The following NYAP2 variants were observed in gnomAD, a reference collection of about 807,000 sequenced individuals.
The protein encoded by NYAP2 is neuronal tyrosine-phosphorylated phosphoinositide-3-kinase adaptor 2.
In NYAP2, 23 loss-of-function variants were observed where a neutral mutation model predicts 50.4. The observed-to-expected ratio is 0.46, with a 90% CI of 0.33 to 0.65. The LOEUF is 0.65. Ranked by LOEUF, NYAP2 falls within the 30% of genes least tolerant of loss-of-function variation. The pLI is 0.02. For missense variants in NYAP2, 885 were observed against 861.0 expected, an observed-to-expected ratio of 1.03 and a Z score of -0.35; for synonymous variants, 394 against 365.2, an observed-to-expected ratio of 1.08 and a Z score of -0.90.
At chr2:225,547,575 C>T (rs935807799) in intron 4 of NYAP2, among the ~76,000 whole-genome samples, 3 of 152,200 alleles carry the variant, frequency 2.0e-5, no homozygotes, top group African/African-American at 7.2e-5. Flanking sequence ...CCTGGTTTTG[C>T]TTTCCTCTGT....
intron 3 of NYAP2, among the ~76,000 whole-genome samples, chr2:225,485,331 A>G (rs1690272891): frequency 6.6e-6 from 1 of 152,210 alleles, no homozygotes; most frequent in African/African-American, 2.4e-5. Flanking sequence ...TCTTTCCCTT[A>G]TAAATTACCC....
chr2:225,679,493 G>GTTTTTTTTTTTTTTTTTTTTTTTTT, the NYAP2 span, among the ~76,000 whole-genome samples: 4 of 103,884 alleles, frequency 3.9e-5, no homozygotes, highest in Non-Finnish European at 7.3e-5. Context: ...GCTTCTAATT[G>GTTTTTTTTTTTTTTTTTTTTTTTTT]TTTTTTTTTT....
intron 6 of NYAP2, among the ~76,000 whole-genome samples, chr2:225,628,820 G>T (rs13428386): frequency 6.6e-6 from 1 of 151,806 alleles, no homozygotes; most frequent in South Asian, 2.1e-4. Context: ...AAAATCAGAA[G>T]CATTCTCTGG....
intron 5 of NYAP2, among the ~76,000 whole-genome samples, chr2:225,620,680 C>T (rs1472606205): frequency 6.6e-6 from 1 of 152,096 alleles, no homozygotes; most frequent in East Asian, 1.9e-4. Flanking sequence ...TCTAAATACA[C>T]CTGCCTAAAA....
At chr2:225,561,939 A>G in intron 4 of NYAP2, among the ~76,000 whole-genome samples, 1 of 151,928 alleles carries the variant, frequency 6.6e-6, no homozygotes, top group Admixed American at 6.6e-5. Context: ...AATCAAGAGG[A>G]AAAAGAAATC....
At chr2:225,626,933 G>T (rs1478224023) in exon 6 of NYAP2, 5 of 1,575,834 alleles carry the variant, frequency 3.2e-6, no homozygotes, top group Non-Finnish European at 4.3e-6. Context: ...CAGAGGAACT[G>T]AAAGTCCGAA....
intron 6 of NYAP2, among the ~76,000 whole-genome samples, chr2:225,630,583 C>T (rs559216576): frequency 6.6e-6 from 1 of 152,264 alleles, no homozygotes; most frequent in South Asian, 2.1e-4. Context: ...AGCAAGGGTC[C>T]TTTGCCTTCC....
chr2:225,429,773 T>C (rs541462456), intron 3 of NYAP2, among the ~76,000 whole-genome samples: 3 of 152,340 alleles, frequency 2.0e-5, no homozygotes, highest in African/African-American at 7.2e-5. Flanking sequence ...CCTCTTGCAG[T>C]CATTTTCTTT....
chr2:225,418,171 G>A (rs1285668448), intron 3 of NYAP2, among the ~76,000 whole-genome samples: 3 of 152,092 alleles, frequency 2.0e-5, no homozygotes, highest in Admixed American at 2.0e-4. Flanking sequence ...GATTTCTAAG[G>A]AAGAAGAAAT....
At chr2:225,669,415 C>G in the NYAP2 span, among the ~76,000 whole-genome samples, 3 of 151,888 alleles carry the variant, frequency 2.0e-5, no homozygotes, top group Admixed American at 2.0e-4. Flanking sequence ...TTCGTATGGA[C>G]AAAAATGGGC....
chr2:225,696,848 C>G, the NYAP2 span, among the ~76,000 whole-genome samples: 1 of 151,876 alleles, frequency 6.6e-6, no homozygotes, highest in African/African-American at 2.4e-5. Flanking sequence ...ATCACTTTAA[C>G]TCTCATTTTA....
At chr2:225,514,283 G>T (rs1336833240) in intron 4 of NYAP2, among the ~76,000 whole-genome samples, 4 of 152,148 alleles carry the variant, frequency 2.6e-5, no homozygotes, top group Admixed American at 2.6e-4. Context: ...GATCTCACCA[G>T]CTCTTTAGGC....
chr2:225,507,350 G>A (rs912924941), intron 3 of NYAP2, among the ~76,000 whole-genome samples: 2 of 152,120 alleles, frequency 1.3e-5, no homozygotes, highest in African/African-American at 4.8e-5. Flanking sequence ...TTTTGTTTTT[G>A]TCTTCGAAAG....
intron 6 of NYAP2, among the ~76,000 whole-genome samples, chr2:225,643,793 A>T (rs1053164265): frequency 6.6e-6 from 1 of 151,768 alleles, no homozygotes; most frequent in Non-Finnish European, 1.5e-5. Flanking sequence ...TTATGGCTGC[A>T]TAGTATTCCA....
chr2:225,689,890 T>C, the NYAP2 span, among the ~76,000 whole-genome samples: 1 of 152,148 alleles, frequency 6.6e-6, no homozygotes, highest in Admixed American at 6.6e-5. Flanking sequence ...AATTGTCATG[T>C]TATTCAAGAA....
At chr2:225,467,138 C>A (rs1259037629) in intron 3 of NYAP2, among the ~76,000 whole-genome samples, 1 of 152,232 alleles carries the variant, frequency 6.6e-6, no homozygotes, top group African/African-American at 2.4e-5. Flanking sequence ...GGAGAACATG[C>A]GCAGTGTGTT....
chr2:225,422,067 A>G (rs1559175575), intron 3 of NYAP2, among the ~76,000 whole-genome samples: 1 of 151,706 alleles, frequency 6.6e-6, no homozygotes, highest in South Asian at 2.1e-4. Flanking sequence ...TTCAATTCCA[A>G]TATTTCTTTT....
At chr2:225,465,718 A>AAAACAAAC (rs374767573) in intron 3 of NYAP2, among the ~76,000 whole-genome samples, 2,261 of 152,210 alleles carry the variant, frequency 0.015, 65 homozygotes, top group African/African-American at 0.052. Flanking sequence ...TCTGTCTCAA[A>AAAACAAAC]AAACAAACAA....
intron 4 of NYAP2, among the ~76,000 whole-genome samples, chr2:225,547,667 T>A (rs1307315092): frequency 6.6e-6 from 1 of 152,230 alleles, no homozygotes; most frequent in Non-Finnish European, 1.5e-5. Flanking sequence ...CTTCATGCCA[T>A]GTGGCCACTG....
Sources: allele counts gnomAD v4.1 joint callset (sites outside exome capture counted in the v4.1 genomes callset), GRCh38; gene constraint gnomAD v4.1.1; transcripts MANE v1.5; gene names NCBI Gene and HGNC (gene_info 2026-07-23, HGNC 2026-07-21).